The following CGNL1 variants were observed in gnomAD, a reference collection of about 807,000 sequenced individuals.
The protein encoded by CGNL1 is cingulin-like protein 1.
A neutral mutation model predicts 141.2 loss-of-function variants in CGNL1; 132 were observed. The observed-to-expected ratio is 0.93, with a 90% CI of 0.81 to 1.08. The LOEUF is 1.08. Ranked by LOEUF, CGNL1 falls within the 50% of genes least tolerant of loss-of-function variation. The probability of loss-of-function intolerance (pLI) is 0.00; values close to 1 mark genes in which losing one functional copy is unlikely to be tolerated. For synonymous variants in CGNL1, 690 were observed against 622.1 expected (o/e 1.11, Z -1.63); for missense variants, 1,870 against 1,588.6 (o/e 1.18, Z -3.01).
At chr15:57,545,959 GC>G in intron 17 of CGNL1, 116 bp from the exon 18 acceptor site, 1 of 1,146,302 alleles carries the variant, frequency 8.7e-7, no homozygotes, top group East Asian at 2.4e-5. Context: ...CAAGAGACTG[GC>G]TGCCCCATTG....
chr15:57,412,101 A>G (rs1433925794), intron 1 of CGNL1, among the ~76,000 whole-genome samples: 1 of 152,190 alleles, frequency 6.6e-6, no homozygotes, highest in South Asian at 2.1e-4. Flanking sequence ...CAACCAGCTG[A>G]TGACAGTTTG....
At chr15:57,446,276 ATAG>A (rs2063250202) in intron 4 of CGNL1, among the ~76,000 whole-genome samples, 1 of 152,168 alleles carries the variant, frequency 6.6e-6, no homozygotes, top group Non-Finnish European at 1.5e-5. Context: ...AATTTTTAAC[ATAG>A]GTTTGCTTCC....
chr15:57,442,207 A>AAAAAAAAAC (rs2063198226), intron 3 of CGNL1, among the ~76,000 whole-genome samples, 166 bp from the exon 4 acceptor site: 1 of 148,516 alleles, frequency 6.7e-6, no homozygotes, highest in Non-Finnish European at 1.5e-5. Context: ...AAAAAAAGAC[A>AAAAAAAAAC]CCATCCATCC....
Position 57,440,503 on chromosome 15 carries a change from A to G in CGNL1, c.1697+32A>G, listed in dbSNP as rs185093967. 1.3e-5 allele frequency: 19 copies of G among 1,465,836 alleles called. No homozygotes were observed. In the South Asian group the frequency reaches 1.9e-4, roughly 15 times the overall value. 90.8% of individuals were successfully genotyped at this position (1,465,836 alleles called of 1,614,324 possible). A position where few individuals can be genotyped will look rare whatever the true frequency, so the allele number is the denominator to read the frequency against. On this transcript the variant is annotated intron_variant, in intron 3 of 18. Coordinates refer to ENST00000281282, the MANE Select transcript of CGNL1 (RefSeq NM_032866.5). Reference sequence around the variant, plus strand: ...GATTTTCCCTCTGAAAGAGCAAAGTATTGTTGTTTCTGGTGGGACTCTTAA... The same window carrying G: ...GATTTTCCCTCTGAAAGAGCAAAGTGTTGTTGTTTCTGGTGGGACTCTTAA...
Position 57,442,479 on chromosome 15 carries a change from G to A in CGNL1, c.1803+1G>A. On this transcript the variant is annotated splice_donor_variant, in intron 4 of 18. Transcript: ENST00000281282. LOFTEE classifies it high-confidence loss of function. ...TGGGAGCGCCCAAGGAAATAACCAA[G>A]TAAATGGAAGTTTTGTATTTTGTAG... 1 of 1,578,942 alleles carries A rather than the reference G, an allele frequency of 6.3e-7. No homozygotes were observed. Among genetic ancestry groups the A allele is most frequent in the Non-Finnish European group, 8.7e-7 (1 of 1,148,478 alleles).
chr15:57,499,661 T>A (rs2063994776), intron 8 of CGNL1, among the ~76,000 whole-genome samples: 1 of 152,232 alleles, frequency 6.6e-6, no homozygotes, highest in South Asian at 2.1e-4. Context: ...GCCGCAAATC[T>A]TTTTTCAAAG....
intron 8 of CGNL1, among the ~76,000 whole-genome samples, chr15:57,472,162 CGAT>C (rs1386315388): frequency 6.6e-6 from 1 of 151,852 alleles, no homozygotes; most frequent in Non-Finnish European, 1.5e-5. Context: ...TTGAGGAAAA[CGAT>C]GATGGAAATC....
intron 1 of CGNL1, among the ~76,000 whole-genome samples, chr15:57,409,725 C>G (rs1441727745): frequency 6.6e-6 from 1 of 152,120 alleles, no homozygotes; most frequent in Non-Finnish European, 1.5e-5. Flanking sequence ...TAGGAAGAGT[C>G]AAGTCGGGCT....
chr15:57,516,835 C>T lies in CGNL1; in HGVS notation c.2459C>T (p.Thr820Ile), dbSNP rs376942189. The T allele has an allele frequency of 5.6e-6, 9 of 1,614,060 alleles. No individual in the cohort carries two copies. Among genetic ancestry groups the T allele is most frequent in the East Asian group, 2.2e-5 (1 of 44,882 alleles). The change falls in exon 9 of 19, where the codon ACT becomes ATT. Residue 820 changes from threonine (T) to isoleucine (I), a missense_variant. Transcript: ENST00000281282. ...SNTSEQDQAGTEMRVKLLQEE... is the reference protein window; with the variant it reads ...SNTSEQDQAGIEMRVKLLQEE... Reference sequence around the variant, plus strand: ...ACTTCAGAGCAAGACCAGGCGGGGACTGAAATGCGCGTGAAGCTTCTGCAG... The same window carrying T: ...ACTTCAGAGCAAGACCAGGCGGGGATTGAAATGCGCGTGAAGCTTCTGCAG...
Position 57,547,537 on chromosome 15 carries a change from C to G in CGNL1, c.*47C>G, listed in dbSNP as rs779062526. ...GTACCTGTCATTCCTGCAGGAGCTG[C>G]AGCCACCCAAAGTGGGAGGCAGGGA... On this transcript the variant is annotated 3_prime_UTR_variant, in exon 19 of 19. Coordinates refer to ENST00000281282, the MANE Select transcript of CGNL1 (RefSeq NM_032866.5). 1 of 1,595,064 alleles carries G rather than the reference C, an allele frequency of 6.3e-7. No homozygotes were observed. The highest frequency in any genetic ancestry group is 1.7e-5 in the Admixed American group (1 of 58,018).
rs1415081466 is a variant in CGNL1, at chr15:57,438,126, A to G, written c.127A>G (p.Ser43Gly). ...QNSKAGSYGV[S>G]IRVQGIDGHP... ...CTCCAAGGCAGGCTCCTACGGTGTC[A>G]GTATTCGGGTCCAGGGAATTGATGG... The change falls in exon 2 of 19, where the codon AGT (serine) becomes GGT (glycine). Residue 43 changes from serine (S) to glycine (G), a missense_variant. Physicochemically the swap from Ser to Gly is moderately conservative, Grantham distance 56 (BLOSUM62 0). Transcript: ENST00000281282. 8.7e-6 allele frequency: 14 copies of G among 1,614,110 alleles called. No homozygotes were observed. Among genetic ancestry groups the G allele is most frequent in the African/African-American group, 2.7e-5 (2 of 74,932 alleles).
chr15:57,405,830 TTC>T (rs2062715048), intron 1 of CGNL1: 1 of 93,884 alleles, frequency 1.1e-5, no homozygotes, highest in Non-Finnish European at 2.3e-5. Flanking sequence ...TTCTTTCTTT[TTC>T]TTTCTTTTCT....
At chr15:57,474,184 T>C (rs2063621608) in intron 8 of CGNL1, among the ~76,000 whole-genome samples, 1 of 152,170 alleles carries the variant, frequency 6.6e-6, no homozygotes, top group South Asian at 2.1e-4. Flanking sequence ...GTTCTGGGAT[T>C]ACAGGTGTAA....
At chr15:57,412,603 A>G (rs1310685800) in intron 1 of CGNL1, among the ~76,000 whole-genome samples, 1 of 152,064 alleles carries the variant, frequency 6.6e-6, no homozygotes, top group Non-Finnish European at 1.5e-5. Flanking sequence ...TGGGGAACTC[A>G]TTGTCTCCTG....
intron 8 of CGNL1, chr15:57,477,647 G>A (rs2152354790): frequency 6.6e-6 from 1 of 152,378 alleles, no homozygotes; most frequent in East Asian, 1.9e-4. Context: ...CTAAGCCTAT[G>A]ACTTTTTGTG....
chr15:57,376,883 C>G (rs1202805127), intron 1 of CGNL1: 1 of 152,436 alleles, frequency 6.6e-6, no homozygotes, highest in Non-Finnish European at 1.5e-5. Flanking sequence ...GAGGGACTTT[C>G]TGCCTTCGCA....
At chr15:57,509,307 C>T (rs1462734082) in intron 8 of CGNL1, among the ~76,000 whole-genome samples, 2 of 152,204 alleles carry the variant, frequency 1.3e-5, no homozygotes, top group Non-Finnish European at 2.9e-5. Flanking sequence ...CCGGCCTCCA[C>T]GCCTCAGCTG....
Position 57,439,302 on chromosome 15 carries a change from C to T in CGNL1, c.1303C>T (p.Arg435Cys), listed in dbSNP as rs775595104. ...CPQRPLSQER[R>C]GKQSVGRTFA... ...GCAGCGGCCACTGTCTCAGGAGCGC[C>T]GTGGGAAACAGAGCGTGGGCCGCAC... Residue 435 changes from arginine (R) to cysteine (C), a missense_variant, in exon 2 of 19, where the codon CGT becomes TGT. Transcript: ENST00000281282. 1.9e-6 allele frequency: 3 copies of T among 1,614,092 alleles called. No individual in the cohort carries two copies. The highest frequency in any genetic ancestry group is 1.1e-5 in the South Asian group (1 of 91,090).
At chr15:57,489,835 TACTA>T (rs1430406354) in intron 8 of CGNL1, among the ~76,000 whole-genome samples, 1 of 152,232 alleles carries the variant, frequency 6.6e-6, no homozygotes, top group South Asian at 2.1e-4. Flanking sequence ...ACTGAGATAC[TACTA>T]ACTATTAAGT....
Sources: allele counts gnomAD v4.1 joint callset (sites outside exome capture counted in the v4.1 genomes callset), GRCh38; gene constraint gnomAD v4.1.1; transcripts MANE v1.5; gene names NCBI Gene and HGNC (gene_info 2026-07-23, HGNC 2026-07-21).